Variants in MAST4 observed in about 807,000 individuals in gnomAD.
MAST4 encodes the protein microtubule associated serine/threonine kinase family member 4, also known as microtubule-associated serine/threonine-protein kinase 4.
A neutral mutation model predicts 162.7 loss-of-function variants in MAST4; 89 were observed. The ratio of observed to expected loss-of-function variants is 0.55; its 90% CI spans 0.46 to 0.65. The LOEUF is 0.65. Among genes scored for constraint, MAST4 ranks in the 30% least tolerant of loss-of-function variants. MAST4 has a pLI of 0.00. For synonymous variants in MAST4, 1,479 were observed against 1,361.1 expected (o/e 1.09, Z -1.91); for missense variants, 3,153 against 3,374.0 (o/e 0.93, Z 1.62).
At chr5:66,720,329 G>A (rs772308408) in intron 1 of MAST4, among the ~76,000 whole-genome samples, 3 of 151,160 alleles carry the variant, frequency 2.0e-5, no homozygotes, top group Non-Finnish European at 3.0e-5. Flanking sequence ...ATTTTCAATA[G>A]CATAAAAATT....
intron 1 of MAST4, among the ~76,000 whole-genome samples, chr5:66,620,047 CTTTT>C (rs200969306): frequency 0.23 from 30,383 of 133,790 alleles, 3,175 homozygotes; most frequent in African/African-American, 0.26. Context: ...ACTTAGGTTG[CTTTT>C]TTTTTTTTTT....
chr5:66,883,135 A>G (rs1051136671), intron 3 of MAST4, among the ~76,000 whole-genome samples: 8 of 152,258 alleles, frequency 5.3e-5, no homozygotes, highest in Non-Finnish European at 8.8e-5. Flanking sequence ...GAAGAGGCCC[A>G]TGGTTTCTCT....
intron 4 of MAST4, among the ~76,000 whole-genome samples, chr5:66,978,460 A>G (rs553886249): frequency 7.2e-5 from 11 of 152,348 alleles, no homozygotes; most frequent in Non-Finnish European, 1.3e-4. Context: ...AAGGATACCA[A>G]GAAGAGAAGA....
chr5:67,018,113 A>G (rs1283297050), intron 4 of MAST4, among the ~76,000 whole-genome samples: 1 of 152,132 alleles, frequency 6.6e-6, no homozygotes, highest in Non-Finnish European at 1.5e-5. Flanking sequence ...AATCATTTTT[A>G]TGAGGAAATG....
At chr5:66,847,395 G>A (rs1758933613) in intron 3 of MAST4, among the ~76,000 whole-genome samples, 1 of 152,212 alleles carries the variant, frequency 6.6e-6, no homozygotes, top group Non-Finnish European at 1.5e-5. Flanking sequence ...CATTTTGGGA[G>A]ACTGAGGCAG....
chr5:66,941,781 T>C (rs1005506076), intron 4 of MAST4, among the ~76,000 whole-genome samples: 4 of 152,134 alleles, frequency 2.6e-5, no homozygotes, highest in South Asian at 2.1e-4. Flanking sequence ...AAATGAGAGA[T>C]GTGTGTCTCT....
intron 17 of MAST4, 140 bp from the exon 18 acceptor site, chr5:67,134,383 T>C: frequency 1.8e-6 from 1 of 542,408 alleles, no homozygotes; most frequent in Non-Finnish European, 3.1e-6. Context: ...TTATAATTGG[T>C]GCTCTTAAGT....
chr5:67,117,536 AAAATT>A (rs1295663437), intron 12 of MAST4, among the ~76,000 whole-genome samples: 1 of 151,636 alleles, frequency 6.6e-6, no homozygotes, highest in Non-Finnish European at 1.5e-5. Flanking sequence ...AATTTTAAAT[AAAATT>A]AAGTTTTTTA....
rs79915461 is a variant in MAST4, at chr5:66,842,465, A to G, written c.642+53671A>G. ...TTCCCCTACCCCCTCCCGCCCCGCC[A>G]AATGTTGTTGTACACTGCCTTGTCT... On this transcript the variant is annotated intron_variant, in intron 3 of 28. Coordinates refer to ENST00000403625, the MANE Select transcript of MAST4 (RefSeq NM_001164664.2). Among the ~76,000 whole-genome samples the G allele has an allele frequency of 8.4e-3, 1,217 of 145,686 alleles. 19 individuals are homozygous for G. Among genetic ancestry groups the G allele is most frequent in the African/African-American group, 0.028 (1,130 of 40,268 alleles).
rs928039348 is a variant in MAST4 at position 66,618,034 on chromosome 5, G to GT, written c.363+21016_363+21017insT. Among the ~76,000 whole-genome samples, 10 of 123,014 alleles carry GT rather than the reference G, an allele frequency of 8.1e-5. 1 individual carries two copies. The highest frequency in any genetic ancestry group is 3.2e-4 in the African/African-American group (10 of 31,426). 80.7% of individuals were successfully genotyped at this position (123,014 alleles called of 152,430 possible). On this transcript the variant is annotated intron_variant, in intron 1 of 28. Transcript: ENST00000403625. ...GGGAGACCCTCATTCTGGGAGGAAT[G>GT]GGGGGGGGGCCCTGATTCTGTGTCT...
chr5:67,041,819 A>C (rs1756780573), intron 4 of MAST4, among the ~76,000 whole-genome samples: 1 of 152,158 alleles, frequency 6.6e-6, no homozygotes, highest in Admixed American at 6.5e-5. Flanking sequence ...AATATAGACA[A>C]GGTTTCGCCA....
intron 3 of MAST4, among the ~76,000 whole-genome samples, chr5:66,790,982 A>G (rs1340453340): frequency 1.3e-5 from 2 of 152,156 alleles, no homozygotes; most frequent in Non-Finnish European, 2.9e-5. Context: ...AATTCAAACA[A>G]CACTGTCACA....
intron 26 of MAST4, among the ~76,000 whole-genome samples, chr5:67,158,024 C>T (rs1441004281): frequency 1.3e-5 from 2 of 152,172 alleles, no homozygotes; most frequent in South Asian, 2.1e-4. Flanking sequence ...TTCTGCACGT[C>T]CACTCTCTGC....
At chr5:66,683,831 G>A (rs1748476720) in intron 1 of MAST4, among the ~76,000 whole-genome samples, 1 of 152,178 alleles carries the variant, frequency 6.6e-6, no homozygotes, top group South Asian at 2.1e-4. Flanking sequence ...GAACATTTGT[G>A]TTCCCCTTGG....
chr5:66,681,891 T>G (rs1029405237), intron 1 of MAST4, among the ~76,000 whole-genome samples: 1 of 152,130 alleles, frequency 6.6e-6, no homozygotes, highest in Non-Finnish European at 1.5e-5. Flanking sequence ...CCCTAGGTAG[T>G]TTTAGATTCA....
At chr5:66,735,396 A>C (rs56774441) in intron 1 of MAST4, among the ~76,000 whole-genome samples, 2,049 of 152,308 alleles carry the variant, frequency 0.013, 56 homozygotes, top group African/African-American at 0.047. Flanking sequence ...GTAAATGTTA[A>C]TTTTATATGT....
rs1038784489 is a variant in MAST4 at position 66,918,839 on chromosome 5, G to C, written c.674+18857G>C. ...TATATTATTGAATGATATATATAAT[G>C]AATGGTATATATATTAATGATATAC... On this transcript the variant is annotated intron_variant, in intron 4 of 28. Transcript: ENST00000403625. Among the ~76,000 whole-genome samples, 19 of 152,242 alleles carry C rather than the reference G, an allele frequency of 1.2e-4. No homozygotes were observed. The East Asian group carries it at 3.7e-3, about 29-fold the overall frequency.
At chr5:67,091,132 T>TA (rs543228466) in intron 6 of MAST4, among the ~76,000 whole-genome samples, 7 of 151,382 alleles carry the variant, frequency 4.6e-5, no homozygotes, top group African/African-American at 1.2e-4. Context: ...ATAGGTAGGT[T>TA]AAAAAAAAAT....
intron 1 of MAST4, among the ~76,000 whole-genome samples, chr5:66,729,725 G>A (rs774460640): frequency 7.9e-5 from 12 of 152,190 alleles, no homozygotes; most frequent in Non-Finnish European, 8.8e-5. Context: ...AAGATTAGAC[G>A]TATCGTTGCT....
Sources: gnomAD v4.1 joint callset for allele counts (sites outside exome capture counted in the v4.1 genomes callset) on GRCh38, gnomAD v4.1.1 for gene constraint, MANE v1.5 for transcripts, NCBI Gene and HGNC (gene_info 2026-07-23, HGNC 2026-07-21) for gene names.